Variants in ATG4B observed in about 807,000 individuals in gnomAD.
ATG4B encodes autophagy related 4B cysteine peptidase.
ATG4B carries 29 observed loss-of-function variants against 56.6 expected under a neutral mutation model. The observed-to-expected ratio is 0.51, with a 90% confidence interval of 0.38 to 0.70. The LOEUF is 0.70. ATG4B is among the 30% of genes least tolerant of loss of function. ATG4B has a pLI of 0.00. For synonymous variants in ATG4B, 224 were observed against 206.1 expected, an observed-to-expected ratio of 1.09 and a Z score of -0.74; for missense variants, 461 against 515.5, an observed-to-expected ratio of 0.89 and a Z score of 1.02.
At position 241,673,484 on chromosome 2, in the gene ATG4B, T is replaced by G. The variant is rs1308605293; in HGVS notation, c.*1220T>G. On this transcript the variant is annotated 3_prime_UTR_variant, in exon 13 of 13. Transcript: ENST00000404914. ...CTGCTGCTGCTGCTGCTTGTGTAGG[T>G]CGGGGAGCCAGAGATCCCCGAGGAC... 2.4e-6 allele frequency: 1 copy of G among 419,406 alleles called. No individual in the cohort carries two copies. The allele number at this position is 419,406 out of a possible 1,614,324, so 26.0% of individuals were successfully genotyped here.
intron 4 of ATG4B, among the ~76,000 whole-genome samples, chr2:241,654,335 C>T (rs182077448): frequency 2.1e-3 from 309 of 148,820 alleles, no homozygotes; most frequent in African/African-American, 7.3e-3. Context: ...GCAGGAGAAT[C>T]GCTTGAACCC....
chr2:241,653,229 G>A, intron 3 of ATG4B: 1 of 1,022,012 alleles, frequency 9.8e-7, no homozygotes, highest in South Asian at 1.4e-5. Context: ...GACTTACGGG[G>A]GTCAGTGTCT....
In ATG4B at chr2:241,668,131, G is replaced by A. The variant is rs112780049; in HGVS notation, c.733-12G>A. ...ACCTGGGACCTGTGCTCAGTCCCCCGCCCCTCCACAGCACTGCTTCATGAT... is the reference window on the plus strand; with the variant it reads ...ACCTGGGACCTGTGCTCAGTCCCCCACCCCTCCACAGCACTGCTTCATGAT... On this transcript the variant is annotated splice_polypyrimidine_tract_variant and intron_variant, in intron 8 of 12. Coordinates refer to ENST00000404914, the MANE Select transcript of ATG4B (RefSeq NM_013325.5). This position sits in a 1 kb window ranked among gnomAD's most constrained non-coding sequence, Gnocchi z 4.2. 5,784 of 1,585,024 alleles carry A rather than the reference G, an allele frequency of 3.6e-3. 24 individuals are homozygous for A. The highest frequency in any genetic ancestry group is 6.5e-3 in the South Asian group (559 of 86,246).
chr2:241,642,393 T>A (rs74270774), intron 1 of ATG4B, among the ~76,000 whole-genome samples: 20,769 of 151,826 alleles, frequency 0.14, 1,698 homozygotes, highest in East Asian at 0.34. Context: ...CTTGGAGATT[T>A]AAAAAAAAGT....
intron 6 of ATG4B, among the ~76,000 whole-genome samples, chr2:241,658,472 C>T (rs2068485037): frequency 6.6e-6 from 1 of 152,204 alleles, no homozygotes; most frequent in South Asian, 2.1e-4. Context: ...GTCTTTGCTG[C>T]CTCAGGGCCT....
intron 6 of ATG4B, among the ~76,000 whole-genome samples, chr2:241,657,784 T>C (rs960556118): frequency 2.0e-5 from 3 of 152,248 alleles, no homozygotes; most frequent in Admixed American, 6.5e-5. Flanking sequence ...AGAGTCTCTT[T>C]AGCAAATAAC....
chr2:241,640,594 ACATGAGACCAG>A (rs1460258345), intron 1 of ATG4B, among the ~76,000 whole-genome samples: 2 of 152,254 alleles, frequency 1.3e-5, no homozygotes, highest in Non-Finnish European at 2.9e-5. Flanking sequence ...AACGTTCTAG[ACATGAGACCAG>A]CATTAGCAGC....
chr2:241,665,003 C>G (rs2068718233), intron 7 of ATG4B, among the ~76,000 whole-genome samples: 1 of 151,874 alleles, frequency 6.6e-6, no homozygotes, highest in African/African-American at 2.4e-5. Context: ...ACCTGTTGTT[C>G]CAGCTACTCG....
rs2069051718 is a variant in ATG4B, at chr2:241,673,626, G to C, written c.*1362G>C. The stretch of plus-strand genomic sequence containing the variant: ...ATCCTTTCTCCCTTGGGTGTAGTTG[G>C]GGTGGGGAAGCAGGGAAGGCTGGTG... On this transcript the variant is annotated 3_prime_UTR_variant, in exon 13 of 13. Transcript: ENST00000404914. 1 of 456,210 alleles carries C rather than the reference G, an allele frequency of 2.2e-6. No homozygotes were observed. Among genetic ancestry groups the C allele is most frequent in the Non-Finnish European group, 4.4e-6 (1 of 227,082 alleles). 28.3% of individuals were successfully genotyped at this position (456,210 alleles called of 1,614,324 possible). A position where few individuals can be genotyped will look rare whatever the true frequency, so the allele number is the denominator to read the frequency against.
At chr2:241,660,571 T>A (rs2068560102) in intron 7 of ATG4B, among the ~76,000 whole-genome samples, 1 of 152,230 alleles carries the variant, frequency 6.6e-6, no homozygotes, top group South Asian at 2.1e-4. Flanking sequence ...TCTTGAAATT[T>A]TTATAAAACA....
intron 1 of ATG4B, among the ~76,000 whole-genome samples, chr2:241,643,033 C>T (rs1029204329): frequency 6.6e-6 from 1 of 151,468 alleles, no homozygotes; most frequent in Non-Finnish European, 1.5e-5. Flanking sequence ...CAGGTGTGCA[C>T]CACCATGCCT....
At chr2:241,665,396 G>C (rs747594509) in intron 7 of ATG4B, among the ~76,000 whole-genome samples, 1 of 152,228 alleles carries the variant, frequency 6.6e-6, no homozygotes, top group Non-Finnish European at 1.5e-5. Flanking sequence ...AACCCGTGCC[G>C]CTGATTTGTG....
chr2:241,653,797 C>T (rs2068295810), intron 4 of ATG4B, among the ~76,000 whole-genome samples, 187 bp downstream of exon 4: 1 of 151,724 alleles, frequency 6.6e-6, no homozygotes, highest in Non-Finnish European at 1.5e-5. Flanking sequence ...CTAATAAATC[C>T]GCATGGGCAA....
chr2:241,665,041 G>A (rs1448807349), intron 7 of ATG4B, among the ~76,000 whole-genome samples: 1 of 152,194 alleles, frequency 6.6e-6, no homozygotes, highest in Non-Finnish European at 1.5e-5. Context: ...GATTGCTTAA[G>A]TGCAGGTGTT....
chr2:241,669,027 G>A (rs571799924), intron 10 of ATG4B, among the ~76,000 whole-genome samples: 1 of 109,674 alleles, frequency 9.1e-6, no homozygotes, highest in South Asian at 3.2e-4. Flanking sequence ...ACACACGGGC[G>A]GCCCCTCCAC....
intron 1 of ATG4B, among the ~76,000 whole-genome samples, chr2:241,647,462 A>G (rs1015645654): frequency 6.6e-6 from 1 of 151,380 alleles, no homozygotes; most frequent in Non-Finnish European, 1.5e-5. Context: ...ACTAAAAAAA[A>G]TACAAAAAAT....
At chr2:241,664,795 C>G (rs965665565) in intron 7 of ATG4B, among the ~76,000 whole-genome samples, 3 of 152,118 alleles carry the variant, frequency 2.0e-5, no homozygotes, top group African/African-American at 7.2e-5. Flanking sequence ...AAAACCCCGT[C>G]TCTACTAAAA....
At chr2:241,659,070 T>C in intron 6 of ATG4B, 38 bp from the exon 7 acceptor site, 1 of 1,500,764 alleles carries the variant, frequency 6.7e-7, no homozygotes, top group Non-Finnish European at 9.1e-7. Flanking sequence ...GTCTTTGAAT[T>C]GTACAAAAGC....
intron 11 of ATG4B, 76 bp downstream of exon 11, chr2:241,670,858 G>C: frequency 6.9e-7 from 1 of 1,442,742 alleles, no homozygotes. Context: ...AGGGGTCGAA[G>C]GCCTGCGTCC....
Sources: allele counts gnomAD v4.1 joint callset (sites outside exome capture counted in the v4.1 genomes callset), GRCh38; gene constraint gnomAD v4.1.1; non-coding constraint Gnocchi (gnomAD v3.1); transcripts MANE v1.5; gene names NCBI Gene and HGNC (gene_info 2026-07-23, HGNC 2026-07-21).